Variants in MATN2 observed in about 807,000 individuals in gnomAD.
MATN2 encodes matrilin 2.
In MATN2, 69 loss-of-function variants were observed where a neutral mutation model predicts 103.2. That is an observed-to-expected ratio of 0.67 (90% CI 0.55 to 0.82). MATN2 has a LOEUF of 0.82. MATN2 is among the 40% of genes least tolerant of loss of function. MATN2 has a pLI of 0.00. For missense variants in MATN2, 1,023 were observed against 1,211.5 expected, an observed-to-expected ratio of 0.84 and a Z score of 2.31; for synonymous variants, 429 against 450.2, an observed-to-expected ratio of 0.95 and a Z score of 0.60.
intron 5 of MATN2, among the ~76,000 whole-genome samples, chr8:97,965,365 T>C (rs1215133286): frequency 1.3e-5 from 2 of 152,042 alleles, no homozygotes; most frequent in Non-Finnish European, 2.9e-5. Flanking sequence ...AACTGCAGGG[T>C]GTATTCCAGG....
chr8:98,020,075 C>A (rs770299332), intron 12 of MATN2, among the ~76,000 whole-genome samples: 15 of 152,176 alleles, frequency 9.9e-5, no homozygotes, highest in Non-Finnish European at 1.8e-4. Context: ...ACTGCAGTGG[C>A]CCTCTTGTGG....
At position 97,908,216 on chromosome 8, in the gene MATN2, C is replaced by T. The variant is rs564801061; in HGVS notation, c.142+19974C>T. ...AGGTTGCAGTGAGCCAAGATTGTGC[C>T]GTTGCATTCCAGCCTGGGCAACAAG... is the stretch of plus-strand genomic sequence containing the variant. On this transcript the variant is annotated intron_variant, in intron 2 of 18. Coordinates refer to ENST00000254898, the MANE Select transcript of MATN2 (RefSeq NM_002380.5). Among the ~76,000 whole-genome samples the T allele has an allele frequency of 1.6e-4, 24 of 152,004 alleles. No individual in the cohort carries two copies. The South Asian group carries it at 3.9e-3, about 25-fold the overall frequency.
intron 5 of MATN2, among the ~76,000 whole-genome samples, chr8:97,972,338 C>CAGA (rs34198881): frequency 1.6e-5 from 2 of 126,878 alleles, no homozygotes; most frequent in African/African-American, 6.0e-5. Flanking sequence ...GACCCTGTCT[C>CAGA]AAAAAAAAAA....
chr8:97,914,725 T>G (rs1454719849), intron 2 of MATN2, among the ~76,000 whole-genome samples: 1 of 152,178 alleles, frequency 6.6e-6, no homozygotes, highest in Non-Finnish European at 1.5e-5. Flanking sequence ...CAACTTGTCC[T>G]TTAGGACCCA....
Position 97,897,842 on chromosome 8 carries a change from T to A in MATN2, c.142+9600T>A, listed in dbSNP as rs769890777. 4.9e-4 allele frequency among the ~76,000 whole-genome samples: 75 copies of A among 152,204 alleles called. 1 individual carries two copies. Among genetic ancestry groups the A allele is most frequent in the Admixed American group, 4.6e-4 (7 of 15,280 alleles). ...TATGAAGTAAAATTCTTCATTCCTA[T>A]CTTGTGATTAACGCTGGAAGAATCC... On this transcript the variant is annotated intron_variant, in intron 2 of 18. Coordinates refer to ENST00000254898, the MANE Select transcript of MATN2 (RefSeq NM_002380.5).
intron 4 of MATN2, among the ~76,000 whole-genome samples, chr8:97,953,954 C>G (rs1811054269): frequency 6.6e-6 from 1 of 152,000 alleles, no homozygotes; most frequent in Non-Finnish European, 1.5e-5. Context: ...AGAGCCAGAC[C>G]TTGTCTCAAA....
chr8:97,990,179 CAAAAAAAAAA>C (rs34924183), intron 6 of MATN2, among the ~76,000 whole-genome samples: 5 of 45,808 alleles, frequency 1.1e-4, no homozygotes, highest in South Asian at 9.5e-4. Context: ...AAGACTCTGT[CAAAAAAAAAA>C]AAAAAAAAAA....
At chr8:97,949,517 A>C (rs1810873134) in intron 4 of MATN2, among the ~76,000 whole-genome samples, 1 of 152,166 alleles carries the variant, frequency 6.6e-6, no homozygotes, top group Non-Finnish European at 1.5e-5. Context: ...ATGTGTTCGC[A>C]AAATTGGGAA....
chr8:97,900,724 A>G (rs1818950875), intron 2 of MATN2, among the ~76,000 whole-genome samples: 3 of 152,292 alleles, frequency 2.0e-5, no homozygotes, highest in Admixed American at 6.5e-5. Flanking sequence ...TCACGAGGTC[A>G]GGAGATTGAG....
chr8:97,964,797 G>A (rs993446022), intron 5 of MATN2, among the ~76,000 whole-genome samples: 14 of 151,782 alleles, frequency 9.2e-5, no homozygotes, highest in South Asian at 4.2e-4. Context: ...ACAGTGGCGC[G>A]ACCTCGGCTC....
At chr8:97,892,911 C>T (rs533076717) in intron 2 of MATN2, among the ~76,000 whole-genome samples, 1 of 152,152 alleles carries the variant, frequency 6.6e-6, no homozygotes, top group Non-Finnish European at 1.5e-5. Context: ...CCCTGTGGGA[C>T]AGCAGGTGGC....
chr8:98,019,233 A>G (rs1458723818), intron 12 of MATN2, among the ~76,000 whole-genome samples: 1 of 151,860 alleles, frequency 6.6e-6, no homozygotes, highest in Non-Finnish European at 1.5e-5. Flanking sequence ...ACACACACAA[A>G]CACACATATA....
intron 2 of MATN2, among the ~76,000 whole-genome samples, chr8:97,892,415 CAAAAAA>C (rs35181049): frequency 1.3e-5 from 1 of 78,054 alleles, no homozygotes; most frequent in African/African-American, 5.8e-5. Flanking sequence ...GACCCTGTCT[CAAAAAA>C]AAAAAAAAAA....
At chr8:98,025,727 C>T in intron 13 of MATN2, 1 of 436,622 alleles carries the variant, frequency 2.3e-6, no homozygotes, top group African/African-American at 2.1e-5. Context: ...GCCTGGGCGA[C>T]ACAGCAAGAC....
At chr8:97,969,844 G>A (rs1299088340) in intron 5 of MATN2, among the ~76,000 whole-genome samples, 1 of 152,198 alleles carries the variant, frequency 6.6e-6, no homozygotes, top group Non-Finnish European at 1.5e-5. Context: ...AGGGGGCATG[G>A]GTAAAGGGCA....
intron 2 of MATN2, among the ~76,000 whole-genome samples, chr8:97,890,103 G>A (rs1315447150): frequency 6.6e-6 from 1 of 152,188 alleles, no homozygotes; most frequent in African/African-American, 2.4e-5. Flanking sequence ...AGTGGGCATG[G>A]GTGTTTTCAC....
chr8:97,971,553 C>T (rs1365963553), intron 5 of MATN2, among the ~76,000 whole-genome samples: 1 of 152,174 alleles, frequency 6.6e-6, no homozygotes, highest in Non-Finnish European at 1.5e-5. Context: ...TATAATTCAT[C>T]AGCTGCCACT....
intron 1 of MATN2, among the ~76,000 whole-genome samples, chr8:97,874,568 G>A (rs1410851770): frequency 6.6e-6 from 1 of 151,896 alleles, no homozygotes; most frequent in Non-Finnish European, 1.5e-5. Flanking sequence ...ACCATGTCTG[G>A]CTAAATTTTT....
At chr8:97,875,469 G>A (rs746036415) in intron 1 of MATN2, among the ~76,000 whole-genome samples, 4 of 151,824 alleles carry the variant, frequency 2.6e-5, no homozygotes, top group Non-Finnish European at 5.9e-5. Flanking sequence ...AAATCATGAG[G>A]GAAATCTCAA....
Sources: allele counts gnomAD v4.1 joint callset (sites outside exome capture counted in the v4.1 genomes callset), GRCh38; gene constraint gnomAD v4.1.1; transcripts MANE v1.5; gene names NCBI Gene and HGNC (gene_info 2026-07-23, HGNC 2026-07-21).